The following LRMDA variants were observed in gnomAD, a reference collection of about 807,000 sequenced individuals.
LRMDA encodes leucine-rich melanocyte differentiation-associated protein.
In LRMDA, 18 loss-of-function variants were observed where a neutral mutation model predicts 29.8. That is an observed-to-expected ratio of 0.60 (90% CI 0.42 to 0.90). The LOEUF (loss-of-function observed/expected upper bound fraction) is 0.90. Among genes scored for constraint, LRMDA ranks in the 40% least tolerant of loss-of-function variants. The pLI is 0.00. For missense variants in LRMDA, 273 were observed against 273.9 expected (o/e 1.00, Z 0.02); for synonymous variants, 125 against 109.4 (o/e 1.14, Z -0.89).
chr10:75,933,499 A>G lies in LRMDA; in HGVS notation c.132-102509A>G, dbSNP rs868584254. 3.9e-5 allele frequency among the ~76,000 whole-genome samples: 6 copies of G among 152,336 alleles called. No individual in the cohort carries two copies. In the South Asian group the frequency reaches 1.0e-3, roughly 26 times the overall value. On this transcript the variant is annotated intron_variant, in intron 2 of 6. Transcript: ENST00000611255. ...TTGTTAAGAGCAGTGGATTCAGCCC[A>G]AGGTGGTTTCCTGATATAGCAGTTG...
At chr10:76,335,369 C>A (rs1840954375) in intron 6 of LRMDA, among the ~76,000 whole-genome samples, 1 of 152,130 alleles carries the variant, frequency 6.6e-6, no homozygotes, top group African/African-American at 2.4e-5. Context: ...TCTTGTTGCA[C>A]AGAATACAAG....
chr10:75,793,431 A>G (rs929248499), intron 2 of LRMDA, among the ~76,000 whole-genome samples: 3 of 152,204 alleles, frequency 2.0e-5, no homozygotes, highest in African/African-American at 7.2e-5. Flanking sequence ...CAGTAGGACA[A>G]TATTTCAGCA....
intron 2 of LRMDA, among the ~76,000 whole-genome samples, chr10:75,950,442 T>C (rs1846553850): frequency 1.3e-5 from 2 of 152,244 alleles, no homozygotes; most frequent in African/African-American, 4.8e-5. Context: ...TCCTACCTTA[T>C]GTCATAGACA....
At chr10:76,003,306 T>G (rs1847592173) in intron 2 of LRMDA, among the ~76,000 whole-genome samples, 1 of 152,090 alleles carries the variant, frequency 6.6e-6, no homozygotes, top group South Asian at 2.1e-4. Context: ...CTGCAGCCAA[T>G]TAACCTTCCT....
chr10:76,331,226 G>A (rs571427336), intron 6 of LRMDA, among the ~76,000 whole-genome samples: 2 of 152,164 alleles, frequency 1.3e-5, no homozygotes, highest in South Asian at 2.1e-4. Context: ...AGTGGAGATC[G>A]TGCCACTGCA....
chr10:76,476,658 A>T (rs1842675659), intron 6 of LRMDA, among the ~76,000 whole-genome samples: 1 of 152,180 alleles, frequency 6.6e-6, no homozygotes, highest in Admixed American at 6.5e-5. Context: ...TCAATAAAAT[A>T]CTAGCAAACT....
intron 2 of LRMDA, among the ~76,000 whole-genome samples, chr10:75,963,485 G>C (rs148388606): frequency 6.6e-6 from 1 of 152,086 alleles, no homozygotes; most frequent in Non-Finnish European, 1.5e-5. Flanking sequence ...ATTGTGTTTT[G>C]TCCCTTAATT....
At chr10:76,371,222 T>C (rs1841450240) in intron 6 of LRMDA, among the ~76,000 whole-genome samples, 1 of 152,184 alleles carries the variant, frequency 6.6e-6, no homozygotes, top group East Asian at 1.9e-4. Flanking sequence ...AGTGACCTTG[T>C]AGGGATGTGT....
intron 2 of LRMDA, among the ~76,000 whole-genome samples, chr10:75,584,671 GAT>G (rs1306383715): frequency 6.6e-6 from 1 of 152,154 alleles, no homozygotes; most frequent in Non-Finnish European, 1.5e-5. Context: ...GGTGGTGAAA[GAT>G]ATATGAGACA....
chr10:76,136,580 A>G (rs1850098381), intron 5 of LRMDA, among the ~76,000 whole-genome samples: 1 of 140,566 alleles, frequency 7.1e-6, no homozygotes, highest in African/African-American at 2.5e-5. Flanking sequence ...TCTTCCAGAA[A>G]CATATTTACA....
chr10:76,036,108 C>T lies in LRMDA; in HGVS notation c.232C>T (p.His78Tyr). ...DLVLPGLPRL[H>Y]TLTLNKNRIT... ...TGTGTTGCCAGGGTTACCCAGACTG[C>T]ATACCTTAACCCTCAACAAGAACCG... is the stretch of plus-strand genomic sequence containing the variant. Residue 78 changes from histidine (H) to tyrosine (Y), a missense_variant, in exon 3 of 7, where the codon CAT (histidine) becomes TAT (tyrosine). His to Tyr is a moderately conservative substitution (Grantham distance 83). Coordinates refer to ENST00000611255, the MANE Select transcript of LRMDA (RefSeq NM_001305581.2). 6.2e-7 allele frequency: 1 copy of T among 1,614,000 alleles called. No individual in the cohort carries two copies. The highest frequency in any genetic ancestry group is 1.1e-5 in the South Asian group (1 of 91,066).
At chr10:75,954,703 T>C (rs1846635548) in intron 2 of LRMDA, among the ~76,000 whole-genome samples, 1 of 152,234 alleles carries the variant, frequency 6.6e-6, no homozygotes, top group African/African-American at 2.4e-5. Context: ...TCTGTTGACA[T>C]TTCCTGGTAA....
chr10:75,916,757 CT>C (rs1845942171), intron 2 of LRMDA, among the ~76,000 whole-genome samples: 2 of 152,162 alleles, frequency 1.3e-5, no homozygotes, highest in Admixed American at 6.5e-5. Context: ...CGAAAACACG[CT>C]GGTGATTACT....
At chr10:75,586,495 C>T (rs918329095) in intron 2 of LRMDA, among the ~76,000 whole-genome samples, 1 of 151,784 alleles carries the variant, frequency 6.6e-6, no homozygotes, top group Non-Finnish European at 1.5e-5. Context: ...GTAGCTGGGA[C>T]CACAGGTATG....
intron 2 of LRMDA, among the ~76,000 whole-genome samples, chr10:75,893,992 T>C (rs1391603422): frequency 6.6e-6 from 1 of 152,118 alleles, no homozygotes; most frequent in African/African-American, 2.4e-5. Flanking sequence ...TTTGTTTTTT[T>C]CTTTTTAGAA....
rs756023731 is a variant in LRMDA, at chr10:76,077,992, A to ATTTTTTTTTT, written c.516+19236_516+19245dup. Reference sequence around the variant, plus strand: ...TCCTACCCCTAACTGCAATATTAACATTTTTTTTTTTTTTTTTTTTTTTTT... The same window carrying ATTTTTTTTTT: ...TCCTACCCCTAACTGCAATATTAACATTTTTTTTTTTTTTTTTTTTTTTTTTTTTTTTTTT... On this transcript the variant is annotated intron_variant, in intron 5 of 6. Transcript: ENST00000611255. Among the ~76,000 whole-genome samples the ATTTTTTTTTT allele has an allele frequency of 1.7e-4, 8 of 48,048 alleles. 2 individuals are homozygous for ATTTTTTTTTT. The highest frequency in any genetic ancestry group is 1.8e-4 in the Non-Finnish European group (5 of 27,526). 31.5% of individuals were successfully genotyped at this position (48,048 alleles called of 152,430 possible).
intron 6 of LRMDA, among the ~76,000 whole-genome samples, chr10:76,347,056 A>G (rs1228312090): frequency 6.6e-6 from 1 of 152,240 alleles, no homozygotes; most frequent in African/African-American, 2.4e-5. Flanking sequence ...GTTAAAAGAA[A>G]GCAGAGTAAT....
intron 2 of LRMDA, among the ~76,000 whole-genome samples, chr10:75,519,952 G>T (rs1045449921): frequency 1.3e-5 from 2 of 152,124 alleles, no homozygotes; most frequent in African/African-American, 4.8e-5. Context: ...TAGTTTGGCT[G>T]GATATGAAAT....
chr10:75,799,978 C>CT (rs1843720287), intron 2 of LRMDA, among the ~76,000 whole-genome samples: 1 of 152,070 alleles, frequency 6.6e-6, no homozygotes, highest in South Asian at 2.1e-4. Context: ...TTGTTTTAAT[C>CT]TTTTTTCTCC....
Sources: gnomAD v4.1 joint callset for allele counts (sites outside exome capture counted in the v4.1 genomes callset) on GRCh38, gnomAD v4.1.1 for gene constraint, MANE v1.5 for transcripts, NCBI Gene and HGNC (gene_info 2026-07-23, HGNC 2026-07-21) for gene names.